The following LRRC9 variants were observed in gnomAD, a reference collection of about 807,000 sequenced individuals.
The protein encoded by LRRC9 is leucine-rich repeat-containing protein 9.
A neutral mutation model predicts 63.2 loss-of-function variants in LRRC9; 122 were observed. That is an observed-to-expected ratio of 1.93 (90% CI 1.67 to 2.24). The LOEUF is 2.24. Among genes scored for constraint, LRRC9 ranks in the 30% most tolerant of loss-of-function variants. The pLI is 0.00. For missense variants in LRRC9, 1,071 were observed against 627.7 expected (o/e 1.71, Z -7.55); for synonymous variants, 366 against 213.1 (o/e 1.72, Z -6.25).
At chr14:59,994,435 T>C (rs1001277777) in intron 17 of LRRC9, among the ~76,000 whole-genome samples, 8 of 152,342 alleles carry the variant, frequency 5.3e-5, no homozygotes, top group South Asian at 2.1e-4. Context: ...AGTTCAACCA[T>C]TGTGGAAGTC....
At position 59,927,391 on chromosome 14, in the gene LRRC9, G is replaced by T. The variant is rs1434951006; in HGVS notation, c.-33-520G>T. Among the ~76,000 whole-genome samples the T allele has an allele frequency of 6.6e-6, 1 of 152,042 alleles. No homozygotes were observed. Among genetic ancestry groups the T allele is most frequent in the Non-Finnish European group, 1.5e-5 (1 of 67,926 alleles). On this transcript the variant is annotated intron_variant, in intron 1 of 31. Coordinates refer to ENST00000445360, the Ensembl canonical transcript of LRRC9. This position sits in a 1 kb window ranked among gnomAD's most constrained non-coding sequence, Gnocchi z 4.4. ...TCATATTCTCTAGAATGAAGGAGAA[G>T]TTGGAGTATTTATTTTAATAAACAC...
At chr14:59,965,926 T>C (rs1249102488) in intron 10 of LRRC9, among the ~76,000 whole-genome samples, 1 of 74,346 alleles carries the variant, frequency 1.3e-5, no homozygotes, top group Admixed American at 1.4e-4. Context: ...AAAAAGATAC[T>C]GGTGAGGAAG....
chr14:59,981,782 CTTGT>C (rs1390891264), intron 15 of LRRC9, 62 bp from the exon 16 acceptor site: 14 of 638,884 alleles, frequency 2.2e-5, no homozygotes, highest in Non-Finnish European at 3.3e-5. Flanking sequence ...TTCTACATAG[CTTGT>C]TTGTTTTTCA....
At position 59,936,379 on chromosome 14, in the gene LRRC9, A is replaced by G. The variant is rs117822702; in HGVS notation, c.544-2011A>G. 9.1e-3 allele frequency among the ~76,000 whole-genome samples: 1,380 copies of G among 152,228 alleles called. 10 individuals carry two copies. Among genetic ancestry groups the G allele is most frequent in the Non-Finnish European group, 0.016 (1,062 of 68,002 alleles). On this transcript the variant is annotated intron_variant, in intron 6 of 31. Transcript: ENST00000445360. This position sits in a 1 kb window ranked among gnomAD's most constrained non-coding sequence, Gnocchi z 4.2. ...CTATTATCTTAGATTTTTATCTCTA[A>G]CCTTTCCTCCTACCCTAAGAAGATA...
rs956459555 is a variant in LRRC9, at chr14:59,942,705, G to A, written c.727-1884G>A. On this transcript the variant is annotated intron_variant, in intron 7 of 31. Transcript: ENST00000445360. This position sits in a 1 kb window ranked among gnomAD's most constrained non-coding sequence, Gnocchi z 5.3. Reference sequence around the variant, plus strand: ...ATCACACCACTGCACTTCAGCCTGGGTGACAGAGTGAGACTCCGTCTCAAA... The same window carrying A: ...ATCACACCACTGCACTTCAGCCTGGATGACAGAGTGAGACTCCGTCTCAAA... 2.6e-5 allele frequency among the ~76,000 whole-genome samples: 4 copies of A among 152,132 alleles called. No homozygotes were observed. The highest frequency in any genetic ancestry group is 9.7e-5 in the African/African-American group (4 of 41,424).
chr14:60,007,563 A>T (rs985547663), intron 22 of LRRC9, among the ~76,000 whole-genome samples: 1 of 152,166 alleles, frequency 6.6e-6, no homozygotes. Context: ...TATTCCTGTT[A>T]TATCTATATA....
At chr14:60,018,320 A>G in intron 24 of LRRC9, 51 bp from the exon 25 acceptor site, 3 of 696,524 alleles carry the variant, frequency 4.3e-6, no homozygotes, top group Non-Finnish European at 7.9e-6. Context: ...CTTTTCCTAT[A>G]TTTTCCTGTC....
chr14:60,027,965 C>A lies in LRRC9; in HGVS notation c.3785C>A (p.Ser1262Ter), dbSNP rs1891689133. 1 of 701,840 alleles carries A rather than the reference C, an allele frequency of 1.4e-6. No homozygotes were observed. Among genetic ancestry groups the A allele is most frequent in the Non-Finnish European group, 2.6e-6 (1 of 384,248 alleles). The allele number at this position is 701,840 out of a possible 1,614,324, so 43.5% of individuals were successfully genotyped here. A position where few individuals can be genotyped will look rare whatever the true frequency, so the allele number is the denominator to read the frequency against. Residue 1262 changes from serine to a stop codon, truncating the protein, a stop_gained, in exon 28 of 32, where the codon TCA (serine) becomes TAA (stop). Transcript: ENST00000445360. LOFTEE classifies it high-confidence loss of function. This position sits in a 1 kb window ranked among gnomAD's most constrained non-coding sequence, Gnocchi z 4.0. ...GTAGTGGACCATAACCGCATCCGAT[C>A]ATTTAATGACAGTGCTTTTGCCAAA...
At chr14:60,032,412 A>G (rs1349303463) in intron 29 of LRRC9, among the ~76,000 whole-genome samples, 1 of 151,856 alleles carries the variant, frequency 6.6e-6, no homozygotes, top group Non-Finnish European at 1.5e-5. Context: ...CTTTCTCATT[A>G]TTTCTTTCTC....
chr14:59,965,608 G>C (rs1884753100), intron 10 of LRRC9, among the ~76,000 whole-genome samples: 1 of 151,976 alleles, frequency 6.6e-6, no homozygotes. Flanking sequence ...TACTGGGGCC[G>C]GGCGCGGTGG....
In LRRC9 at chr14:60,004,911, T is replaced by C. The variant is rs77479230; in HGVS notation, c.2842+1113T>C. On this transcript the variant is annotated intron_variant, in intron 21 of 31. Coordinates refer to ENST00000445360, the Ensembl canonical transcript of LRRC9. This position sits in a 1 kb window ranked among gnomAD's most constrained non-coding sequence, Gnocchi z 4.8. ...ACACACACACACACACACACTTATC[T>C]GAATAAAGAATATTTCTGTATGTGC... 3.4e-3 allele frequency among the ~76,000 whole-genome samples: 512 copies of C among 149,134 alleles called. 18 individuals carry two copies. The East Asian group carries it at 0.059, about 17-fold the overall frequency.
intron 29 of LRRC9, among the ~76,000 whole-genome samples, chr14:60,048,681 G>A (rs1297199334): frequency 6.6e-6 from 1 of 152,088 alleles, no homozygotes; most frequent in South Asian, 2.1e-4. Flanking sequence ...CCCAGGACCA[G>A]ACAAATTTAC....
At position 59,947,510 on chromosome 14, in the gene LRRC9, A is replaced by C. The variant is rs779263935; in HGVS notation, c.882+2766A>C. Among the ~76,000 whole-genome samples, 526 of 131,094 alleles carry C rather than the reference A, an allele frequency of 4.0e-3. 6 individuals carry two copies. Among genetic ancestry groups the C allele is most frequent in the Non-Finnish European group, 6.2e-3 (390 of 62,434 alleles). The allele number at this position is 131,094 out of a possible 152,430, so 86.0% of individuals were successfully genotyped here. A position where few individuals can be genotyped will look rare whatever the true frequency, so the allele number is the denominator to read the frequency against. On this transcript the variant is annotated intron_variant, in intron 8 of 31. Coordinates refer to ENST00000445360, the Ensembl canonical transcript of LRRC9. ...TTGCTGTGCAGAAGCTCTTTACTTT[A>C]ATTAGATCCCATTTGTCAATTTTGG... is the stretch of plus-strand genomic sequence containing the variant.
intron 4 of LRRC9, among the ~76,000 whole-genome samples, 192 bp downstream of exon 4, chr14:59,931,250 T>C (rs2139781113): frequency 6.6e-6 from 1 of 152,242 alleles, no homozygotes; most frequent in African/African-American, 2.4e-5. Context: ...TTACTTTCTT[T>C]ACTCTTTACA....
intron 8 of LRRC9, among the ~76,000 whole-genome samples, chr14:59,949,309 G>A (rs1300707917): frequency 1.3e-5 from 2 of 152,166 alleles, no homozygotes; most frequent in Admixed American, 1.3e-4. Context: ...GGTGTTTGTA[G>A]TATTCTCTGA....
Position 60,007,808 on chromosome 14 carries a change from C to T in LRRC9, c.3064-284C>T, listed in dbSNP as rs1402471532. Among the ~76,000 whole-genome samples the T allele has an allele frequency of 3.3e-5, 5 of 151,838 alleles. No homozygotes were observed. In the East Asian group the frequency reaches 9.7e-4, roughly 29 times the overall value. ...AGTGCACTGAGGCTGGGCGTGGTGGCTTATGTCTATAATTTCAGCACTTTG... is the reference window on the plus strand; with the variant it reads ...AGTGCACTGAGGCTGGGCGTGGTGGTTTATGTCTATAATTTCAGCACTTTG... On this transcript the variant is annotated intron_variant, in intron 22 of 31. Coordinates refer to ENST00000445360, the Ensembl canonical transcript of LRRC9.
At chr14:59,987,585 T>C (rs1354284351) in intron 17 of LRRC9, among the ~76,000 whole-genome samples, 2 of 151,700 alleles carry the variant, frequency 1.3e-5, no homozygotes, top group East Asian at 3.9e-4. Context: ...TTAAGATACA[T>C]CGCTATATGC....
downstream of LRRC9, among the ~76,000 whole-genome samples, chr14:60,066,128 T>C (rs1894880134): frequency 6.6e-6 from 1 of 151,932 alleles, no homozygotes; most frequent in African/African-American, 2.4e-5. Flanking sequence ...CATTTACTTC[T>C]AATTTTTCTA....
At chr14:59,975,497 AG>A (rs1886172731) in intron 13 of LRRC9, among the ~76,000 whole-genome samples, 1 of 152,038 alleles carries the variant, frequency 6.6e-6, no homozygotes, top group African/African-American at 2.4e-5. Flanking sequence ...CACTTCTGGG[AG>A]AAACTCCCTG....
Sources: allele counts gnomAD v4.1 joint callset (sites outside exome capture counted in the v4.1 genomes callset), GRCh38; gene constraint gnomAD v4.1.1; non-coding constraint Gnocchi (gnomAD v3.1); transcripts MANE v1.5; gene names NCBI Gene and HGNC (gene_info 2026-07-23, HGNC 2026-07-21).